VPS13B: variants seen among roughly 807,000 people sequenced by gnomAD.
VPS13B encodes the protein intermembrane lipid transfer protein VPS13B.
VPS13B carries 285 observed loss-of-function variants against 426.4 expected under a neutral mutation model. That is an observed-to-expected ratio of 0.67 (90% CI 0.61 to 0.74). VPS13B has a LOEUF of 0.74. VPS13B is among the 30% of genes least tolerant of loss of function. The pLI is 0.00. For missense variants in VPS13B, 4,537 were observed against 4,782.6 expected (o/e 0.95, Z 1.51); for synonymous variants, 1,676 against 1,676.4 (o/e 1.00, Z 0.01).
At chr8:99,572,659 T>C (rs2133801719) in intron 31 of VPS13B, among the ~76,000 whole-genome samples, 1 of 152,366 alleles carries the variant, frequency 6.6e-6, no homozygotes, top group African/African-American at 2.4e-5. Context: ...TGCATAGTAT[T>C]CCATGGTGTA....
chr8:99,043,998 A>G (rs1415155614), intron 3 of VPS13B, among the ~76,000 whole-genome samples: 1 of 151,394 alleles, frequency 6.6e-6, no homozygotes, highest in Non-Finnish European at 1.5e-5. Context: ...CATTTTGGGG[A>G]AATACTTTCC....
intron 35 of VPS13B, among the ~76,000 whole-genome samples, chr8:99,680,791 C>T (rs934007679): frequency 1.9e-4 from 29 of 152,144 alleles, no homozygotes; most frequent in Non-Finnish European, 4.4e-5. Context: ...TTTATAGTAA[C>T]AGTCTGTGCC....
At chr8:99,087,527 A>G (rs560473931) in intron 3 of VPS13B, among the ~76,000 whole-genome samples, 4 of 151,916 alleles carry the variant, frequency 2.6e-5, no homozygotes, top group Admixed American at 2.6e-4. Flanking sequence ...AAATGCAGAA[A>G]TCACCTGTCT....
chr8:99,295,832 A>G (rs1820004429), intron 19 of VPS13B, among the ~76,000 whole-genome samples: 1 of 152,134 alleles, frequency 6.6e-6, no homozygotes. Flanking sequence ...TTTGAGGCCA[A>G]CCTAAACAAC....
intron 19 of VPS13B, among the ~76,000 whole-genome samples, chr8:99,297,652 C>A (rs1206320774): frequency 2.0e-5 from 3 of 152,178 alleles, no homozygotes; most frequent in Non-Finnish European, 4.4e-5. Flanking sequence ...TGTTAGCAAT[C>A]TGAAACTATG....
intron 19 of VPS13B, among the ~76,000 whole-genome samples, chr8:99,345,189 T>C (rs1163338005): frequency 6.6e-6 from 1 of 152,228 alleles, no homozygotes; most frequent in African/African-American, 2.4e-5. Context: ...ATGCTAGGTA[T>C]GCATTGCTCT....
chr8:99,089,155 T>A (rs1338911533), intron 3 of VPS13B, among the ~76,000 whole-genome samples: 2 of 152,222 alleles, frequency 1.3e-5, no homozygotes, highest in Non-Finnish European at 2.9e-5. Flanking sequence ...AATCTCTTTA[T>A]GCCTTCGTTT....
At chr8:99,718,596 T>C (rs946957799) in intron 37 of VPS13B, among the ~76,000 whole-genome samples, 1 of 152,158 alleles carries the variant, frequency 6.6e-6, no homozygotes, top group Non-Finnish European at 1.5e-5. Context: ...GCTTGAAAGA[T>C]TCACAATGAT....
intron 31 of VPS13B, among the ~76,000 whole-genome samples, chr8:99,566,688 C>T (rs1825209765): frequency 6.6e-6 from 1 of 152,204 alleles, no homozygotes; most frequent in East Asian, 1.9e-4. Context: ...GGTGATCCAC[C>T]AGCCTTGGCC....
intron 16 of VPS13B, among the ~76,000 whole-genome samples, chr8:99,188,416 A>AT (rs1268472328): frequency 6.6e-6 from 1 of 152,106 alleles, no homozygotes; most frequent in South Asian, 2.1e-4. Flanking sequence ...TCAGTATTTA[A>AT]TTTTTTATCA....
At chr8:99,826,660 G>C (rs1465012596) in intron 51 of VPS13B, among the ~76,000 whole-genome samples, 1 of 152,184 alleles carries the variant, frequency 6.6e-6, no homozygotes, top group Non-Finnish European at 1.5e-5. Context: ...TTTTCAAAGG[G>C]AACGCTTCCA....
chr8:99,266,004 G>A (rs1173344734), intron 17 of VPS13B, among the ~76,000 whole-genome samples: 1 of 152,088 alleles, frequency 6.6e-6, no homozygotes, highest in Non-Finnish European at 1.5e-5. Flanking sequence ...TTCAGTGGGG[G>A]AACAGAAGTA....
At chr8:99,170,558 A>G (rs1474126496) in intron 16 of VPS13B, among the ~76,000 whole-genome samples, 1 of 151,938 alleles carries the variant, frequency 6.6e-6, no homozygotes, top group African/African-American at 2.4e-5. Flanking sequence ...ATATATTCAT[A>G]CCCACTGACA....
rs1473789383 is a variant in VPS13B, at chr8:99,875,651, G to A, written c.11979G>A (p.Arg3993=). 1 of 1,614,032 alleles carries A rather than the reference G, an allele frequency of 6.2e-7. No individual in the cohort carries two copies. Among genetic ancestry groups the A allele is most frequent in the Non-Finnish European group, 8.5e-7 (1 of 1,180,022 alleles). ...KFTMVKNKAL[R]KGFP ...CCATGGTGAAAAATAAAGCCCTGAG[G>A]AAAGGGTTTCCTTGAGTCCCCTCTG... is the stretch of plus-strand genomic sequence containing the variant. The change falls in exon 62 of 62, where the codon AGG becomes AGA. Residue 3993 remains arginine (R), a synonymous_variant. Transcript: ENST00000357162.
chr8:99,101,231 A>C (rs1484446399), intron 4 of VPS13B, among the ~76,000 whole-genome samples: 3 of 152,122 alleles, frequency 2.0e-5, no homozygotes, highest in Admixed American at 2.0e-4. Context: ...TCCTGGGTTC[A>C]CACCATCCTC....
At chr8:99,415,310 C>G (rs1815935850) in intron 21 of VPS13B, among the ~76,000 whole-genome samples, 1 of 151,932 alleles carries the variant, frequency 6.6e-6, no homozygotes, top group Non-Finnish European at 1.5e-5. Context: ...GTTAGCAATT[C>G]CTCTAACCCT....
At chr8:99,460,805 C>T (rs1453572170) in intron 23 of VPS13B, among the ~76,000 whole-genome samples, 2 of 152,080 alleles carry the variant, frequency 1.3e-5, no homozygotes, top group African/African-American at 4.8e-5. Flanking sequence ...CATTGTTCAC[C>T]ACTCCAAATC....
intron 31 of VPS13B, among the ~76,000 whole-genome samples, chr8:99,566,600 G>T (rs531284579): frequency 1.3e-5 from 2 of 151,930 alleles, no homozygotes; most frequent in Non-Finnish European, 1.5e-5. Context: ...GTGCCGCCAC[G>T]CCCAGCTGAT....
intron 19 of VPS13B, among the ~76,000 whole-genome samples, chr8:99,289,484 T>G (rs190085298): frequency 3.3e-5 from 5 of 152,252 alleles, no homozygotes; most frequent in Admixed American, 2.6e-4. Context: ...AGTGTTACTT[T>G]GGGCTCAAGT....
Sources: allele counts gnomAD v4.1 joint callset (sites outside exome capture counted in the v4.1 genomes callset), GRCh38; gene constraint gnomAD v4.1.1; transcripts MANE v1.5; gene names NCBI Gene and HGNC (gene_info 2026-07-23, HGNC 2026-07-21).